Variants in CDH4 observed in about 807,000 individuals in gnomAD.
CDH4 encodes cadherin-4.
A neutral mutation model predicts 86.0 loss-of-function variants in CDH4; 33 were observed. That is an observed-to-expected ratio of 0.38 (90% confidence interval 0.29 to 0.51). The LOEUF (loss-of-function observed/expected upper bound fraction) is 0.51, where lower values mean the gene tolerates loss of function less well. CDH4 is among the 20% of genes least tolerant of loss of function. CDH4 has a pLI of 0.86. For synonymous variants in CDH4, 555 were observed against 549.4 expected (o/e 1.01, Z -0.14); for missense variants, 1,114 against 1,307.4 (o/e 0.85, Z 2.28).
chr20:61,732,221 C>T (rs2088198999), intron 2 of CDH4, among the ~76,000 whole-genome samples: 1 of 152,172 alleles, frequency 6.6e-6, no homozygotes, highest in Admixed American at 6.5e-5. Context: ...TCATGGGAGA[C>T]AGTGGCTTCC....
intron 11 of CDH4, among the ~76,000 whole-genome samples, chr20:61,925,857 C>T (rs975429049): frequency 1.3e-5 from 2 of 152,054 alleles, no homozygotes; most frequent in Non-Finnish European, 2.9e-5. Context: ...AGGGAGGGCA[C>T]GGGCACACGT....
At chr20:61,773,217 TC>T in intron 4 of CDH4, 35 bp downstream of exon 4, 1 of 1,494,856 alleles carries the variant, frequency 6.7e-7, no homozygotes. Flanking sequence ...CACGGGGGTC[TC>T]GGCGTTAGCA....
At chr20:61,664,751 AC>A (rs950866874) in intron 2 of CDH4, among the ~76,000 whole-genome samples, 14 of 152,236 alleles carry the variant, frequency 9.2e-5, no homozygotes, top group African/African-American at 3.4e-4. Context: ...CACCTCAAAC[AC>A]CCTGCCCCAG....
chr20:61,510,189 A>G lies in CDH4; in HGVS notation c.170-233374A>G, dbSNP rs2085769449. 1.3e-5 allele frequency among the ~76,000 whole-genome samples: 2 copies of G among 152,318 alleles called. No individual in the cohort carries two copies. On this transcript the variant is annotated intron_variant, in intron 2 of 15. Transcript: ENST00000614565. The surrounding 1 kb of genome is among the most constrained non-coding windows in gnomAD (Gnocchi z 4.2). ...CAACCCGGAAATTTAGTGATTTGCA[A>G]TATGCCAGCATCTATGCGCTCAGCA...
intron 6 of CDH4, among the ~76,000 whole-genome samples, chr20:61,866,865 A>G (rs548229200): frequency 2.0e-5 from 3 of 152,390 alleles, no homozygotes; most frequent in African/African-American, 4.8e-5. Context: ...TAGATGGAGC[A>G]TGTTTTCGCA....
At chr20:61,651,557 A>G (rs2087121045) in intron 2 of CDH4, among the ~76,000 whole-genome samples, 2 of 151,902 alleles carry the variant, frequency 1.3e-5, no homozygotes. Flanking sequence ...TGTGGGTTGG[A>G]CTCACACCTG....
In CDH4 at chr20:61,692,135, CTGTATGTATGTG is replaced by C. The variant is rs879321924; in HGVS notation, c.170-51412_170-51401del. Among the ~76,000 whole-genome samples, 1,181 of 140,744 alleles carry C rather than the reference CTGTATGTATGTG, an allele frequency of 8.4e-3. 4 individuals are homozygous for C. Among genetic ancestry groups the C allele is most frequent in the Non-Finnish European group, 0.012 (756 of 62,562 alleles). The allele number at this position is 140,744 out of a possible 152,430, so 92.3% of individuals were successfully genotyped here. On this transcript the variant is annotated intron_variant, in intron 2 of 15. Coordinates refer to ENST00000614565, the MANE Select transcript of CDH4 (RefSeq NM_001794.5). Reference sequence around the variant, plus strand: ...TATGCATGTGTGTGTCTGTGTGTGTCTGTATGTATGTGTGTATGTATGTGTGTCTGCATGTAT... The same window carrying C: ...TATGCATGTGTGTGTCTGTGTGTGTCTGTATGTATGTGTGTCTGCATGTAT...
In CDH4 at chr20:61,623,378, CA is replaced by C. The variant is rs2145777698; in HGVS notation, c.170-120182del. 6.6e-6 allele frequency among the ~76,000 whole-genome samples: 1 copy of C among 152,310 alleles called. No individual in the cohort carries two copies. Among genetic ancestry groups the C allele is most frequent in the East Asian group, 1.9e-4 (1 of 5,176 alleles). On this transcript the variant is annotated intron_variant, in intron 2 of 15. Coordinates refer to ENST00000614565, the MANE Select transcript of CDH4 (RefSeq NM_001794.5). This position sits in a 1 kb window ranked among gnomAD's most constrained non-coding sequence, Gnocchi z 4.4. ...TCTGTTACCTTTCCCCACCCCATCA[CA>C]AAGCCCCCTTTAAACTCCCGTTTAG...
intron 4 of CDH4, among the ~76,000 whole-genome samples, chr20:61,780,338 C>T (rs1978471339): frequency 1.3e-5 from 2 of 152,202 alleles, no homozygotes; most frequent in African/African-American, 4.8e-5. Flanking sequence ...TGAGAACTCC[C>T]TACTTCTCAG....
chr20:61,565,202 G>GGGTGATGGTGGTGGCGGTGC (rs2086266250), intron 2 of CDH4, among the ~76,000 whole-genome samples: 2 of 42,234 alleles, frequency 4.7e-5, no homozygotes, highest in Admixed American at 4.6e-4. Flanking sequence ...CTTGGTGGTG[G>GGGTGATGGTGGTGGCGGTGC]TCGCGGTGCT....
intron 2 of CDH4, among the ~76,000 whole-genome samples, chr20:61,736,446 C>T (rs1359280105): frequency 6.6e-6 from 1 of 152,174 alleles, no homozygotes; most frequent in Non-Finnish European, 1.5e-5. Context: ...TCTCACAGAA[C>T]CTGTGTCTTC....
In CDH4 at chr20:61,923,620, G is replaced by A. The variant is rs202235537; in HGVS notation, c.1544G>A (p.Arg515His). The part of the protein sequence containing the change: ...PYFPSNHKLI[R>H]LEEGVPPGTV... ...TTCCCCTCAAACCACAAGCTGATCC[G>A]CCTGGAGGAGGGCGTGCCCCCCGGC... Residue 515 changes from arginine (R) to histidine (H), a missense_variant, in exon 10 of 16, where the codon CGC (arginine) becomes CAC (histidine). Around this residue, in one of 3 missense-constraint regions of CDH4, gnomAD observed 705 missense variants for 914.1 expected, o/e 0.77. Transcript: ENST00000614565. 9.9e-6 allele frequency: 16 copies of A among 1,613,958 alleles called. No individual in the cohort carries two copies. Among genetic ancestry groups the A allele is most frequent in the Admixed American group, 1.7e-5 (1 of 60,000 alleles).
In CDH4 at chr20:61,743,694, A is replaced by T. The variant is rs1408810625; in HGVS notation, c.301A>T (p.Thr101Ser). 3.2e-5 allele frequency: 52 copies of T among 1,609,540 alleles called. No individual in the cohort carries two copies. Among genetic ancestry groups the T allele is most frequent in the Non-Finnish European group, 4.2e-5 (49 of 1,178,306 alleles). ...GGTCCCCTCCGAGCAGGTGGCGTTC[A>T]CGGTGACTGCATGGGACAGCCAGAC... is the stretch of plus-strand genomic sequence containing the variant. ...LQVPSEQVAF[T>S]VTAWDSQTAE... Residue 101 changes from threonine (T) to serine (S), a missense_variant, in exon 3 of 16, where the codon ACG becomes TCG. By Grantham distance (58) the Thr-to-Ser change is moderately conservative. This residue lies in a region of CDH4 where 221 missense variants were observed against 209.5 expected (regional missense o/e 1.05). Coordinates refer to ENST00000614565, the MANE Select transcript of CDH4 (RefSeq NM_001794.5).
In CDH4 at chr20:61,661,084, C is replaced by CCGG. The variant is rs796435717; in HGVS notation, c.170-82479_170-82478insCGG. On this transcript the variant is annotated intron_variant, in intron 2 of 15. Transcript: ENST00000614565. ...GAGGCGGCATGGACAGGAGGCATGG[C>CCGG]GGGGGGGGGGGAGACACAGTGCCAG... Among the ~76,000 whole-genome samples, 91 of 74,866 alleles carry CCGG rather than the reference C, an allele frequency of 1.2e-3. 4 individuals carry two copies. In the East Asian group the frequency reaches 0.023, roughly 19 times the overall value. 49.1% of individuals were successfully genotyped at this position (74,866 alleles called of 152,430 possible).
chr20:61,451,122 G>GCCCC (rs11313145), intron 2 of CDH4, among the ~76,000 whole-genome samples: 7 of 100,578 alleles, frequency 7.0e-5, no homozygotes, highest in African/African-American at 1.7e-4. Flanking sequence ...TCCCTCTCAC[G>GCCCC]CCCCCCCCCT....
At chr20:61,409,450 G>A in intron 2 of CDH4, among the ~76,000 whole-genome samples, 1 of 152,196 alleles carries the variant, frequency 6.6e-6, no homozygotes, top group Non-Finnish European at 1.5e-5. Context: ...GATGCAAATT[G>A]AAAATTAAGC....
At chr20:61,678,515 C>T (rs141141748) in intron 2 of CDH4, among the ~76,000 whole-genome samples, 232 of 152,284 alleles carry the variant, frequency 1.5e-3, no homozygotes, top group African/African-American at 5.0e-3. Context: ...ACCAGGTAGC[C>T]AGGAAAGTAA....
intron 2 of CDH4, among the ~76,000 whole-genome samples, chr20:61,653,458 T>C (rs2087147404): frequency 7.4e-6 from 1 of 134,846 alleles, no homozygotes; most frequent in African/African-American, 2.6e-5. Flanking sequence ...TGGGTACACC[T>C]CCCAGACGGG....
At chr20:61,766,171 C>T (rs1183068446) in intron 3 of CDH4, among the ~76,000 whole-genome samples, 1 of 152,026 alleles carries the variant, frequency 6.6e-6, no homozygotes, top group Non-Finnish European at 1.5e-5. Context: ...AGAGCAGTCC[C>T]TGACCCTCCC....
Sources: gnomAD v4.1 joint callset for allele counts (sites outside exome capture counted in the v4.1 genomes callset) on GRCh38, gnomAD v4.1.1 for gene constraint, gnomAD v4.1.1 regional missense constraint, Gnocchi (gnomAD v3.1) non-coding constraint, MANE v1.5 for transcripts, NCBI Gene and HGNC (gene_info 2026-07-23, HGNC 2026-07-21) for gene names.